The following POLR3H variants were observed in gnomAD, a reference collection of about 807,000 sequenced individuals.
POLR3H encodes RNA polymerase III subunit H.
In POLR3H, 17 loss-of-function variants were observed where a neutral mutation model predicts 25.5. That is an observed-to-expected ratio of 0.67 (90% CI 0.46 to 1.00). The LOEUF is 1.00. Ranked by LOEUF, POLR3H falls within the 50% of genes least tolerant of loss-of-function variation. The probability of loss-of-function intolerance (pLI) is 0.00; values close to 1 mark genes in which losing one functional copy is unlikely to be tolerated. For synonymous variants in POLR3H, 129 were observed against 103.0 expected (o/e 1.25, Z -1.53); for missense variants, 274 against 265.0 (o/e 1.03, Z -0.24).
intron 1 of POLR3H, 57 bp from the exon 2 acceptor site, chr22:41,540,852 C>G: frequency 7.5e-7 from 1 of 1,328,636 alleles, no homozygotes; most frequent in Non-Finnish European, 1.1e-6. Flanking sequence ...TGACCACAGG[C>G]CCAGCTCCCA....
rs2066669577 is a variant in POLR3H, at chr22:41,529,215, C to A, written c.*68G>T. On this transcript the variant is annotated 3_prime_UTR_variant, in exon 6 of 6. Coordinates refer to ENST00000355209, the MANE Select transcript of POLR3H (RefSeq NM_001018050.4). The stretch of plus-strand genomic sequence containing the variant: ...ATCTCCTTAGCATCGGCCTCAGCTG[C>A]TGTTGTCTTCACAGCCGGCCATACC... 7.2e-6 allele frequency: 10 copies of A among 1,386,634 alleles called. No homozygotes were observed. Among genetic ancestry groups the A allele is most frequent in the Non-Finnish European group, 9.1e-6 (9 of 989,712 alleles). 85.9% of individuals were successfully genotyped at this position (1,386,634 alleles called of 1,614,324 possible).
In POLR3H at chr22:41,528,018, G is replaced by C. The variant is rs753583156; in HGVS notation, c.*1265C>G. On this transcript the variant is annotated 3_prime_UTR_variant, in exon 6 of 6. Transcript: ENST00000355209. ...CAGGGCCTGAAGGACTTCACCCCTG[G>C]CAAGGTTAGGGGCCCGGGTCCCCCT... The C allele has an allele frequency of 1.2e-6, 2 of 1,614,154 alleles. No individual in the cohort carries two copies. The highest frequency in any genetic ancestry group is 1.7e-5 in the Admixed American group (1 of 60,024).
chr22:41,533,837 G>T, intron 2 of POLR3H: 1 of 674,146 alleles, frequency 1.5e-6, no homozygotes, highest in Non-Finnish European at 2.3e-6. Flanking sequence ...ATTCAGTTTG[G>T]TTTAATAAAT....
At chr22:41,543,893 A>T (rs775215492) in intron 1 of POLR3H, 98 bp downstream of exon 1, 1 of 828,600 alleles carries the variant, frequency 1.2e-6, no homozygotes, top group Non-Finnish European at 2.1e-6. Flanking sequence ...CTGCTTGCCC[A>T]CGGCCAGGGC....
intron 3 of POLR3H, 137 bp from the exon 4 acceptor site, chr22:41,532,294 C>T: frequency 1.2e-6 from 1 of 840,066 alleles, no homozygotes. Flanking sequence ...ACCTAGGCCC[C>T]TTCCCCACCT....
In POLR3H at chr22:41,529,301, G is replaced by C. The variant is rs747171800; in HGVS notation, c.597C>G (p.Ser199=). ...CCCAGGGCTAGTTGCTGGTCCACCA[G>C]GAGAGAAGGCCCAGGCCTGGCTCAC... ...SISEPGLGLL[S]WWTSN The change falls in exon 6 of 6, where the codon TCC becomes TCG. Residue 199 remains serine (S), a synonymous_variant. Transcript: ENST00000355209. 72 of 1,613,598 alleles carry C rather than the reference G, an allele frequency of 4.5e-5. No individual in the cohort carries two copies. Among genetic ancestry groups the C allele is most frequent in the Middle Eastern group, 1.6e-4 (1 of 6,084 alleles).
intron 2 of POLR3H, among the ~76,000 whole-genome samples, chr22:41,537,771 A>G (rs1178287295): frequency 6.6e-6 from 1 of 152,136 alleles, no homozygotes; most frequent in Non-Finnish European, 1.5e-5. Context: ...AATAAAAGCC[A>G]GCAGTAGAAA....
chr22:41,536,142 C>T (rs528723511), intron 2 of POLR3H, among the ~76,000 whole-genome samples: 207 of 151,322 alleles, frequency 1.4e-3, no homozygotes, highest in African/African-American at 4.8e-3. Context: ...CCTGTAATCC[C>T]AGCACTTTGG....
rs1229352971 is a variant in POLR3H, at chr22:41,540,703, G to T, written c.204C>A (p.Thr68=). ...CCAGGGACAGAAGATACCCACCTTT[G>T]GTGTGTGATGCGCCATCCCCAGGGA... ...YVFPGDGASH[T]KVHFRCVVFH... Residue 68 remains threonine, a synonymous_variant, in exon 2 of 6, where the codon ACC becomes ACA. Coordinates refer to ENST00000355209, the MANE Select transcript of POLR3H (RefSeq NM_001018050.4). 6.2e-7 allele frequency: 1 copy of T among 1,611,900 alleles called. No individual in the cohort carries two copies. Among genetic ancestry groups the T allele is most frequent in the Non-Finnish European group, 8.5e-7 (1 of 1,178,034 alleles).
intron 5 of POLR3H, 112 bp from the exon 6 acceptor site, chr22:41,529,448 A>G (rs2066676441): frequency 4.4e-6 from 4 of 900,388 alleles, no homozygotes; most frequent in Non-Finnish European, 7.1e-6. Flanking sequence ...GAGGCGGGGC[A>G]CACGGCAGCC....
At chr22:41,535,269 T>TA (rs201386068) in intron 2 of POLR3H, among the ~76,000 whole-genome samples, 62 of 149,146 alleles carry the variant, frequency 4.2e-4, no homozygotes, top group African/African-American at 9.3e-4. Flanking sequence ...ATAATGTAAT[T>TA]AAAAAAAAAA....
In POLR3H at chr22:41,529,236, A is replaced by G. The variant is rs931070732; in HGVS notation, c.*47T>C. On this transcript the variant is annotated 3_prime_UTR_variant, in exon 6 of 6. Transcript: ENST00000355209. ...GCTGCTGTTGTCTTCACAGCCGGCC[A>G]TACCACCTTCCCGCAGGCTGGTAGG... 6.4e-7 allele frequency: 1 copy of G among 1,558,198 alleles called. No homozygotes were observed. Among genetic ancestry groups the G allele is most frequent in the Non-Finnish European group, 8.8e-7 (1 of 1,135,154 alleles).
intron 2 of POLR3H, among the ~76,000 whole-genome samples, chr22:41,536,503 C>A (rs2066848668): frequency 6.6e-6 from 1 of 150,854 alleles, no homozygotes; most frequent in South Asian, 2.1e-4. Flanking sequence ...TGGTAAATTT[C>A]ATGTTATGTA....
Position 41,544,382 on chromosome 22 carries a change from T to TCCACG in POLR3H, c.-286_-282dup, listed in dbSNP as rs200175449. ...GCCACGCCACTCCACGCCACGCCAC[T>TCCACG]CCACGCCCCGCACCCGCGCCACGTG... On this transcript the variant is annotated 5_prime_UTR_variant, in exon 1 of 6. Transcript: ENST00000355209. 0.13 allele frequency: 36,528 copies of TCCACG among 290,224 alleles called. 2,953 individuals are homozygous for TCCACG. The highest frequency in any genetic ancestry group is 0.2 in the South Asian group (2,814 of 14,220). The allele number at this position is 290,224 out of a possible 1,614,324, so 18.0% of individuals were successfully genotyped here.
chr22:41,536,852 A>T (rs538391891), intron 2 of POLR3H, among the ~76,000 whole-genome samples: 1 of 140,400 alleles, frequency 7.1e-6, no homozygotes. Flanking sequence ...TGGGTGACAG[A>T]GAAGACTCTG....
intron 2 of POLR3H, 94 bp from the exon 3 acceptor site, chr22:41,532,839 G>A: frequency 7.2e-7 from 1 of 1,382,926 alleles, no homozygotes; most frequent in Non-Finnish European, 1.0e-6. Context: ...GGGCCTGTGT[G>A]GCTGCTCCAT....
Position 41,527,442 on chromosome 22 carries a change from G to A in POLR3H, c.*1841C>T, listed in dbSNP as rs988117086. On this transcript the variant is annotated 3_prime_UTR_variant, in exon 6 of 6. Transcript: ENST00000355209. ...CACGGTGAGCTGGAGTCTGTACCCA[G>A]GCCATCCTCATCCCATCCCTAGTGA... The A allele has an allele frequency of 1.3e-6, 2 of 1,595,562 alleles. No individual in the cohort carries two copies. Among genetic ancestry groups the A allele is most frequent in the East Asian group, 2.2e-5 (1 of 44,746 alleles).
rs560314684 is a variant in POLR3H at position 41,526,513 on chromosome 22, G to A, written c.*2770C>T. The stretch of plus-strand genomic sequence containing the variant: ...CACTCCTGAAGGGGCCTGCAAGGCA[G>A]GTGCAGGGAGGACATTAGGGGAGTG... On this transcript the variant is annotated 3_prime_UTR_variant, in exon 6 of 6. Transcript: ENST00000355209. 1,231 of 1,545,174 alleles carry A rather than the reference G, an allele frequency of 8.0e-4. No individual in the cohort carries two copies. Among genetic ancestry groups the A allele is most frequent in the Non-Finnish European group, 9.2e-4 (1,048 of 1,138,584 alleles).
intron 2 of POLR3H, chr22:41,533,835 TG>T: frequency 2.9e-6 from 2 of 683,858 alleles, no homozygotes; most frequent in Non-Finnish European, 4.5e-6. Flanking sequence ...ACATTCAGTT[TG>T]GTTTAATAAA....
Sources: allele counts gnomAD v4.1 joint callset (sites outside exome capture counted in the v4.1 genomes callset), GRCh38; gene constraint gnomAD v4.1.1; transcripts MANE v1.5; gene names NCBI Gene and HGNC (gene_info 2026-07-23, HGNC 2026-07-21).